The following CDH8 variants were observed in gnomAD, a reference collection of about 807,000 sequenced individuals.
CDH8 encodes the protein cadherin-8.
In CDH8, 17 loss-of-function variants were observed where a neutral mutation model predicts 68.1. The ratio of observed to expected loss-of-function variants is 0.25; its 90% CI spans 0.17 to 0.37. CDH8 has a LOEUF of 0.37. Ranked by LOEUF, CDH8 falls within the 10% of genes least tolerant of loss-of-function variation. The pLI, the probability that CDH8 is intolerant of heterozygous loss-of-function variation, is 1.00. For synonymous variants in CDH8, 372 were observed against 365.1 expected, an observed-to-expected ratio of 1.02 and a Z score of -0.21; for missense variants, 763 against 999.3, an observed-to-expected ratio of 0.76 and a Z score of 3.19.
chr16:61,809,054 C>T (rs1453088335), intron 7 of CDH8, among the ~76,000 whole-genome samples: 1 of 152,060 alleles, frequency 6.6e-6, no homozygotes, highest in African/African-American at 2.4e-5. Flanking sequence ...GGCATGGTGG[C>T]CCATGCCTGT....
At chr16:61,761,347 G>T in intron 8 of CDH8, among the ~76,000 whole-genome samples, 1 of 152,216 alleles carries the variant, frequency 6.6e-6, no homozygotes, top group East Asian at 1.9e-4. Flanking sequence ...GGAGTAAATT[G>T]AAGCTTTAGA....
chr16:62,012,985 T>G (rs1901850690), intron 2 of CDH8, among the ~76,000 whole-genome samples: 1 of 28,160 alleles, frequency 3.6e-5, no homozygotes, highest in Non-Finnish European at 8.6e-5. Context: ...CCGGGCGCGG[T>G]GGCTCACGCC....
intron 9 of CDH8, among the ~76,000 whole-genome samples, chr16:61,724,359 A>G: frequency 6.6e-6 from 1 of 150,822 alleles, no homozygotes; most frequent in Non-Finnish European, 1.5e-5. Flanking sequence ...GATGAGTTCA[A>G]TTCAGTGGAA....
intron 10 of CDH8, among the ~76,000 whole-genome samples, chr16:61,678,848 T>C (rs956267294): frequency 2.0e-5 from 3 of 152,072 alleles, no homozygotes; most frequent in African/African-American, 7.2e-5. Flanking sequence ...CTGGCTTCTT[T>C]ATCTTCGACC....
intron 2 of CDH8, among the ~76,000 whole-genome samples, chr16:61,983,277 ATTATAGT>A (rs1219211179): frequency 1.3e-5 from 2 of 152,180 alleles, no homozygotes; most frequent in Non-Finnish European, 2.9e-5. Flanking sequence ...GATGCTTATA[ATTATAGT>A]TTATTTATTT....
At position 61,727,128 on chromosome 16, in the gene CDH8, T is replaced by A. The variant is rs1959397777; in HGVS notation, c.1502A>T (p.Glu501Val). 2 of 1,610,662 alleles carry A rather than the reference T, an allele frequency of 1.2e-6. No homozygotes were observed. The highest frequency in any genetic ancestry group is 1.7e-6 in the Non-Finnish European group (2 of 1,177,838). Residue 501 changes from glutamate to valine, a missense_variant, in exon 9 of 12, where the codon GAG becomes GTG. Around this residue, in one of 2 missense-constraint regions of CDH8, gnomAD observed 397 missense variants for 436.2 expected, o/e 0.91. Transcript: ENST00000577390. ...TTTTCCATTTTCACATAAAAATGCC[T>A]CATATTCGGATGCGAATTCAGGGGC... ...DNAPEFASEY[E>V]AFLCENGKPG... is the part of the protein sequence containing the mutation.
intron 8 of CDH8, among the ~76,000 whole-genome samples, chr16:61,783,632 T>C (rs1354312708): frequency 6.7e-5 from 10 of 149,810 alleles, no homozygotes; most frequent in Non-Finnish European, 1.2e-4. Context: ...AGACACATAA[T>C]TGTCAGATTC....
At chr16:61,885,260 T>C (rs957352558) in intron 3 of CDH8, among the ~76,000 whole-genome samples, 2 of 152,304 alleles carry the variant, frequency 1.3e-5, no homozygotes, top group African/African-American at 4.8e-5. Context: ...GAATTTTTAT[T>C]TGGGTGCTGG....
chr16:61,865,729 T>C (rs1963241011), intron 3 of CDH8, among the ~76,000 whole-genome samples: 1 of 152,174 alleles, frequency 6.6e-6, no homozygotes, highest in African/African-American at 2.4e-5. Context: ...AGAAAAGTAT[T>C]TTCTTTTCAT....
At chr16:61,857,385 C>A (rs762861436) in intron 3 of CDH8, 147 bp from the exon 4 acceptor site, 2 of 645,052 alleles carry the variant, frequency 3.1e-6, no homozygotes, top group Non-Finnish European at 5.2e-6. Flanking sequence ...ATAAACTGCT[C>A]TCTCATAACT....
chr16:61,817,572 G>A lies in CDH8; in HGVS notation c.1184C>T (p.Thr395Ile). ...ATTTTCATGAACTTCAAGTAGGTAAGTCGGTGAAGAGAAGACCGGAGGCTC... is the reference window on the plus strand; with the variant it reads ...ATTTTCATGAACTTCAAGTAGGTAAATCGGTGAAGAGAAGACCGGAGGCTC... ...ADEPPVFSSP[T>I]YLLEVHENAA... Residue 395 changes from threonine to isoleucine, a missense_variant, in exon 7 of 12, where the codon ACT becomes ATT. Physicochemically the swap from Thr to Ile is moderately conservative, Grantham distance 89. This residue lies in a region of CDH8 where 366 missense variants were observed against 563.1 expected (regional missense o/e 0.65). Transcript: ENST00000577390. 6.2e-7 allele frequency: 1 copy of A among 1,613,992 alleles called. No homozygotes were observed. The highest frequency in any genetic ancestry group is 1.3e-5 in the African/African-American group (1 of 75,012).
intron 2 of CDH8, among the ~76,000 whole-genome samples, chr16:61,911,392 A>G (rs1964159581): frequency 6.6e-6 from 1 of 152,174 alleles, no homozygotes; most frequent in Non-Finnish European, 1.5e-5. Context: ...GAATAAACTA[A>G]TAGATGCACT....
intron 2 of CDH8, among the ~76,000 whole-genome samples, chr16:62,015,184 G>A (rs1002770064): frequency 6.6e-6 from 1 of 152,074 alleles, no homozygotes; most frequent in Non-Finnish European, 1.5e-5. Context: ...ACATAAAAAT[G>A]TTATTTTAAA....
intron 10 of CDH8, among the ~76,000 whole-genome samples, chr16:61,687,039 C>T (rs957509120): frequency 6.6e-6 from 1 of 151,800 alleles, no homozygotes; most frequent in Non-Finnish European, 1.5e-5. Flanking sequence ...ATATAATATC[C>T]TTTACTACGG....
At chr16:61,682,115 T>C in intron 10 of CDH8, among the ~76,000 whole-genome samples, 1 of 151,334 alleles carries the variant, frequency 6.6e-6, no homozygotes, top group East Asian at 1.9e-4. Context: ...ATATTCAATC[T>C]TTTTTTCTCT....
At chr16:61,861,066 A>G (rs1055433866) in intron 3 of CDH8, among the ~76,000 whole-genome samples, 4 of 152,196 alleles carry the variant, frequency 2.6e-5, no homozygotes, top group Non-Finnish European at 5.9e-5. Context: ...CTATCACAGA[A>G]ATAACAACAT....
At chr16:62,022,643 C>A (rs1226587899) in intron 1 of CDH8, among the ~76,000 whole-genome samples, 1 of 152,078 alleles carries the variant, frequency 6.6e-6, no homozygotes, top group Non-Finnish European at 1.5e-5. Context: ...TCTCAGGACA[C>A]CCTCGGGGAC....
chr16:61,769,135 C>G (rs185239547), intron 8 of CDH8, among the ~76,000 whole-genome samples: 59 of 151,830 alleles, frequency 3.9e-4, no homozygotes, highest in African/African-American at 1.2e-3. Context: ...ATACTTTCAA[C>G]TGTGAGACAG....
chr16:61,970,529 GA>G lies in CDH8; in HGVS notation c.252+50622del, dbSNP rs374613451. On this transcript the variant is annotated intron_variant, in intron 2 of 11. Transcript: ENST00000577390. ...TTGTCAATTATACATAAATAAAGCT[GA>G]AAAAAATAAAAGAAAAATGAGGAAC... Among the ~76,000 whole-genome samples, 18 of 152,074 alleles carry G rather than the reference GA, an allele frequency of 1.2e-4. No homozygotes were observed. In the East Asian group the frequency reaches 1.9e-3, roughly 16 times the overall value.
Sources: gnomAD v4.1 joint callset for allele counts (sites outside exome capture counted in the v4.1 genomes callset) on GRCh38, gnomAD v4.1.1 for gene constraint, gnomAD v4.1.1 regional missense constraint, MANE v1.5 for transcripts, NCBI Gene and HGNC (gene_info 2026-07-23, HGNC 2026-07-21) for gene names.